The following PLEKHG1 variants were observed in gnomAD, a reference collection of about 807,000 sequenced individuals.
The protein encoded by PLEKHG1 is pleckstrin homology domain-containing family G member 1.
Under a neutral mutation model 100.8 loss-of-function variants are expected in PLEKHG1, and 44 were observed. That is an observed-to-expected ratio of 0.44 (90% CI 0.34 to 0.56). PLEKHG1 has a LOEUF of 0.56. Ranked by LOEUF, PLEKHG1 falls within the 20% of genes least tolerant of loss-of-function variation. The pLI is 0.01. For missense variants in PLEKHG1, 1,545 were observed against 1,720.9 expected (o/e 0.90, Z 1.81); for synonymous variants, 640 against 662.5 (o/e 0.97, Z 0.52).
At chr6:150,774,887 A>AT in intron 3 of PLEKHG1, among the ~76,000 whole-genome samples, 1 of 151,810 alleles carries the variant, frequency 6.6e-6, no homozygotes, top group South Asian at 2.1e-4. Flanking sequence ...ATTAAAAAAA[A>AT]TTTTTTTTCA....
intron 3 of PLEKHG1, among the ~76,000 whole-genome samples, chr6:150,700,495 G>C (rs112106768): frequency 0.034 from 5,145 of 152,190 alleles, 277 homozygotes; most frequent in African/African-American, 0.12. Flanking sequence ...AAAGAACCTG[G>C]GGTGATCCTC....
chr6:150,773,521 G>A (rs936550117), intron 3 of PLEKHG1, among the ~76,000 whole-genome samples: 3 of 152,204 alleles, frequency 2.0e-5, no homozygotes, highest in Non-Finnish European at 2.9e-5. Context: ...GCGACAAAGC[G>A]AGACTCCGTC....
chr6:150,828,090 G>C lies in PLEKHG1; in HGVS notation c.1471-2492G>C. 2.5e-6 allele frequency: 4 copies of C among 1,612,984 alleles called. 1 individual carries two copies. The South Asian group carries it at 4.4e-5, about 18-fold the overall frequency. ...CAGTGGACTTGCCAGGAAGTTTCCT[G>C]ATGTCAAATTTATCAAAGCCATTTC... On this transcript the variant is annotated intron_variant, in intron 14 of 15. Transcript: ENST00000358517.
upstream of PLEKHG1, among the ~76,000 whole-genome samples, chr6:150,717,357 G>A (rs955584019): frequency 1.3e-5 from 2 of 151,626 alleles, no homozygotes; most frequent in African/African-American, 2.4e-5. Flanking sequence ...TGTCTTTTTT[G>A]TAGAGATGGA....
At chr6:150,732,851 T>G (rs540829026) in intron 1 of PLEKHG1, among the ~76,000 whole-genome samples, 9 of 152,332 alleles carry the variant, frequency 5.9e-5, no homozygotes, top group African/African-American at 2.2e-4. Flanking sequence ...CCTCCCAAAG[T>G]GCTGGGATTT....
intron 2 of PLEKHG1, among the ~76,000 whole-genome samples, chr6:150,747,563 G>A (rs1408094690): frequency 1.3e-5 from 2 of 152,074 alleles, no homozygotes; most frequent in Admixed American, 6.6e-5. Flanking sequence ...TTTTAAATCC[G>A]TTTTTTAAAT....
intron 3 of PLEKHG1, among the ~76,000 whole-genome samples, chr6:150,706,382 G>C (rs1036462781): frequency 1.3e-5 from 2 of 152,008 alleles, no homozygotes; most frequent in Non-Finnish European, 2.9e-5. Context: ...GGGAGGCCAA[G>C]GTGGGAGGAT....
At chr6:150,688,208 A>G (rs1780209047) in intron 3 of PLEKHG1, among the ~76,000 whole-genome samples, 1 of 152,168 alleles carries the variant, frequency 6.6e-6, no homozygotes, top group Admixed American at 6.5e-5. Flanking sequence ...GAGAAAACAG[A>G]GCTCAGGGAA....
chr6:150,829,672 ACTTC>A (rs1308562437), intron 14 of PLEKHG1, among the ~76,000 whole-genome samples: 1 of 152,188 alleles, frequency 6.6e-6, no homozygotes. Context: ...TTCCTATTTT[ACTTC>A]CTTATAGGCA....
intron 3 of PLEKHG1, among the ~76,000 whole-genome samples, chr6:150,695,218 G>C (rs1780498061): frequency 6.6e-6 from 1 of 152,040 alleles, no homozygotes; most frequent in Non-Finnish European, 1.5e-5. Flanking sequence ...CATTTTCTTT[G>C]CTCAATGGTT....
intron 3 of PLEKHG1, among the ~76,000 whole-genome samples, chr6:150,705,720 C>T (rs1019601016): frequency 6.6e-6 from 1 of 152,218 alleles, no homozygotes; most frequent in Admixed American, 6.5e-5. Context: ...CTCACCCACT[C>T]CCTCCTCCTT....
At chr6:150,638,005 A>G (rs1230202232) in intron 1 of PLEKHG1, 1 of 152,204 alleles carries the variant, frequency 6.6e-6, no homozygotes, top group Non-Finnish European at 1.5e-5. Context: ...GCTATCATTT[A>G]GTCCATTAGA....
upstream of PLEKHG1, among the ~76,000 whole-genome samples, chr6:150,718,630 T>A (rs1163564754): frequency 2.0e-5 from 3 of 152,084 alleles, no homozygotes; most frequent in African/African-American, 7.2e-5. Flanking sequence ...CCACCACGTC[T>A]GGCTAATTTT....
exon 15 of PLEKHG1, chr6:150,832,062 G>C (rs1776972479): frequency 1.9e-6 from 3 of 1,614,230 alleles, no homozygotes; most frequent in Non-Finnish European, 2.5e-6. Context: ...CGGCAGTACA[G>C]TCAGAAGATT....
chr6:150,619,683 CA>C (rs1228969221), intron 1 of PLEKHG1, among the ~76,000 whole-genome samples: 7 of 152,150 alleles, frequency 4.6e-5, no homozygotes, highest in Non-Finnish European at 1.0e-4. Flanking sequence ...AGAGGAAGTA[CA>C]GGGGTAAAGA....
exon 15 of PLEKHG1, chr6:150,830,878 T>C: frequency 1.9e-6 from 3 of 1,614,156 alleles, no homozygotes; most frequent in East Asian, 2.2e-5. Context: ...GCAGCTGGCA[T>C]ATGGGACAGA....
chr6:150,804,626 T>C, exon 7 of PLEKHG1: 1 of 1,590,384 alleles, frequency 6.3e-7, no homozygotes, highest in Non-Finnish European at 8.5e-7. Flanking sequence ...GAAAACCACC[T>C]TGATAAGGAC....
intron 3 of PLEKHG1, among the ~76,000 whole-genome samples, chr6:150,654,865 G>A (rs991082121): frequency 4.6e-5 from 7 of 152,228 alleles, no homozygotes; most frequent in Admixed American, 1.3e-4. Flanking sequence ...ACCATCCAGG[G>A]GGATTCTTGG....
chr6:150,719,649 G>A (rs1029237356), upstream of PLEKHG1, among the ~76,000 whole-genome samples: 3 of 152,196 alleles, frequency 2.0e-5, no homozygotes, highest in Non-Finnish European at 4.4e-5. Flanking sequence ...GATGTGAGCT[G>A]GCTCTTCGTT....
Sources: gnomAD v4.1 joint callset for allele counts (sites outside exome capture counted in the v4.1 genomes callset) on GRCh38, gnomAD v4.1.1 for gene constraint, MANE v1.5 for transcripts, NCBI Gene and HGNC (gene_info 2026-07-23, HGNC 2026-07-21) for gene names.